Variants in PLSCR2 observed in about 807,000 individuals in gnomAD.
The protein encoded by PLSCR2 is PL scramblase 2.
PLSCR2 carries 18 observed loss-of-function variants against 25.3 expected under a neutral mutation model. That is an observed-to-expected ratio of 0.71 (90% CI 0.49 to 1.06). PLSCR2 has a LOEUF of 1.06. Ranked by LOEUF, PLSCR2 falls within the 50% of genes least tolerant of loss-of-function variation. The probability of loss-of-function intolerance (pLI) is 0.00; values close to 1 mark genes in which losing one functional copy is unlikely to be tolerated. For synonymous variants in PLSCR2, 88 were observed against 87.3 expected, an observed-to-expected ratio of 1.01 and a Z score of -0.04; for missense variants, 243 against 269.5, an observed-to-expected ratio of 0.90 and a Z score of 0.69.
At chr3:146,432,844 A>G (rs755033647), downstream of PLSCR2, among the ~76,000 whole-genome samples, 7 of 152,208 alleles carry the variant, frequency 4.6e-5, no homozygotes, top group Non-Finnish European at 8.8e-5. Flanking sequence ...AAAAATAATC[A>G]TAAGTATGTC....
At chr3:146,398,181 G>A (rs2038335616) in intron 2 of PLSCR2, among the ~76,000 whole-genome samples, 1 of 151,880 alleles carries the variant, frequency 6.6e-6, no homozygotes, top group Admixed American at 6.6e-5. Flanking sequence ...TATTAACTAT[G>A]TGAAGTATGT....
chr3:146,491,270 C>T (rs1183113534), intron 1 of PLSCR2, among the ~76,000 whole-genome samples: 1 of 151,722 alleles, frequency 6.6e-6, no homozygotes, highest in Non-Finnish European at 1.5e-5. Context: ...TCTCTAGTTG[C>T]CTTTAAGATT....
At chr3:146,462,068 T>C, upstream of PLSCR2, 2 of 537,252 alleles carry the variant, frequency 3.7e-6, no homozygotes, top group Non-Finnish European at 6.4e-6. Context: ...GAAATAGTTC[T>C]GAAAGAGACC....
chr3:146,485,326 C>A (rs2043301546), intron 1 of PLSCR2, among the ~76,000 whole-genome samples: 1 of 152,090 alleles, frequency 6.6e-6, no homozygotes, highest in Non-Finnish European at 1.5e-5. Context: ...TACAAAGAGA[C>A]TTAGACTCCC....
At chr3:146,489,029 A>T (rs576898195) in intron 1 of PLSCR2, among the ~76,000 whole-genome samples, 1 of 152,262 alleles carries the variant, frequency 6.6e-6, no homozygotes, top group East Asian at 1.9e-4. Context: ...ACATGGATGG[A>T]GCTGGAAGCC....
At chr3:146,495,934 C>T in exon 1 of PLSCR2, 1 of 1,534,698 alleles carries the variant, frequency 6.5e-7, no homozygotes, top group Non-Finnish European at 8.7e-7. Flanking sequence ...CTCCATTCGG[C>T]CCACAATCCA....
At chr3:146,451,361 C>A (rs1011391951) in intron 5 of PLSCR2, among the ~76,000 whole-genome samples, 1 of 151,930 alleles carries the variant, frequency 6.6e-6, no homozygotes. Flanking sequence ...GTGATCCGCC[C>A]GCCTCGGCCT....
chr3:146,413,847 C>T (rs1341170164), intron 2 of PLSCR2, among the ~76,000 whole-genome samples: 2 of 152,244 alleles, frequency 1.3e-5, no homozygotes, highest in Non-Finnish European at 2.9e-5. Flanking sequence ...CTTCCAGCCT[C>T]TACCCATGAC....
chr3:146,404,924 C>T (rs2038611829), intron 2 of PLSCR2, among the ~76,000 whole-genome samples: 1 of 151,498 alleles, frequency 6.6e-6, no homozygotes, highest in Non-Finnish European at 1.5e-5. Flanking sequence ...GATTCTATGT[C>T]TTGCATCCTG....
At chr3:146,454,821 G>A (rs1419235465) in intron 4 of PLSCR2, among the ~76,000 whole-genome samples, 1 of 152,076 alleles carries the variant, frequency 6.6e-6, no homozygotes, top group Non-Finnish European at 1.5e-5. Flanking sequence ...TACTAGGTTG[G>A]CCAAAATTAT....
downstream of PLSCR2, among the ~76,000 whole-genome samples, chr3:146,437,024 T>G (rs1179087639): frequency 2.0e-5 from 3 of 152,226 alleles, no homozygotes; most frequent in Non-Finnish European, 4.4e-5. Flanking sequence ...CTGTATCTAT[T>G]GAGATAATCA....
downstream of PLSCR2, among the ~76,000 whole-genome samples, chr3:146,437,504 G>A (rs1576623710): frequency 1.3e-5 from 2 of 152,140 alleles, no homozygotes; most frequent in African/African-American, 2.4e-5. Flanking sequence ...GTCTTAGGAG[G>A]GTGTATGTGT....
At chr3:146,450,929 C>G (rs1334887563) in intron 5 of PLSCR2, among the ~76,000 whole-genome samples, 1 of 151,344 alleles carries the variant, frequency 6.6e-6, no homozygotes, top group African/African-American at 2.4e-5. Context: ...CATGCATATA[C>G]AGATCATTAT....
chr3:146,476,346 C>T (rs1244605615), intron 1 of PLSCR2, among the ~76,000 whole-genome samples: 1 of 152,210 alleles, frequency 6.6e-6, no homozygotes, highest in African/African-American at 2.4e-5. Flanking sequence ...GTTCATGCTA[C>T]CCAGCCTGGG....
At chr3:146,483,308 G>A (rs1287097032) in intron 1 of PLSCR2, among the ~76,000 whole-genome samples, 4 of 148,360 alleles carry the variant, frequency 2.7e-5, no homozygotes, top group African/African-American at 7.5e-5. Context: ...GGGAGGGATA[G>A]CATTAGGAGA....
intron 1 of PLSCR2, among the ~76,000 whole-genome samples, chr3:146,466,195 CAG>C (rs546737908): frequency 2.0e-4 from 31 of 152,146 alleles, no homozygotes; most frequent in East Asian, 1.2e-3. Flanking sequence ...TTTATTGAGA[CAG>C]AGTCTTGCTC....
At chr3:146,467,918 A>G (rs1044332040) in intron 1 of PLSCR2, among the ~76,000 whole-genome samples, 4 of 152,146 alleles carry the variant, frequency 2.6e-5, no homozygotes, top group South Asian at 2.1e-4. Context: ...GAAATTACAG[A>G]GCCAAAGATG....
exon 2 of PLSCR2, chr3:146,459,996 G>A: frequency 6.2e-7 from 1 of 1,612,520 alleles, no homozygotes; most frequent in Non-Finnish European, 8.5e-7. Flanking sequence ...CTGACGTCCT[G>A]GGTAGAAGGC....
intron 8 of PLSCR2, among the ~76,000 whole-genome samples, chr3:146,436,688 G>T (rs147593792): frequency 0.48 from 73,655 of 151,920 alleles, 18,808 homozygotes; most frequent in South Asian, 0.7. Flanking sequence ...AGATGATGGG[G>T]TTTTCTAAAG....
Sources: allele counts gnomAD v4.1 joint callset (sites outside exome capture counted in the v4.1 genomes callset), GRCh38; gene constraint gnomAD v4.1.1; transcripts MANE v1.5; gene names NCBI Gene and HGNC (gene_info 2026-07-23, HGNC 2026-07-21).